CASP9: variants seen among roughly 807,000 people sequenced by gnomAD.
CASP9 encodes the protein caspase 9.
Under a neutral mutation model 43.5 loss-of-function variants are expected in CASP9, and 29 were observed. That is an observed-to-expected ratio of 0.67 (90% CI 0.50 to 0.91). The LOEUF (loss-of-function observed/expected upper bound fraction) is 0.91. Among genes scored for constraint, CASP9 ranks in the 40% least tolerant of loss-of-function variants. The pLI is 0.00. For synonymous variants in CASP9, 206 were observed against 211.9 expected (o/e 0.97, Z 0.24); for missense variants, 575 against 537.4 (o/e 1.07, Z -0.69).
Position 15,524,099 on chromosome 1 carries a change from C to T in CASP9, c.102G>A (p.Leu34=). ...TGTCCTCGATCATATGGGGCCTGAA[C>T]AGCTCGCGGCTCAGCAGGGCGTCCC... The part of the protein sequence containing the change: ...QLWDALLSRE[L]FRPHMIEDIQ... Residue 34 remains leucine, a synonymous_variant, in exon 1 of 9, where the codon CTG becomes CTA. Coordinates refer to ENST00000333868, the MANE Select transcript of CASP9 (RefSeq NM_001229.5). The T allele has an allele frequency of 1.9e-6, 3 of 1,540,210 alleles. No individual in the cohort carries two copies. The highest frequency in any genetic ancestry group is 1.7e-6 in the Non-Finnish European group (2 of 1,147,926).
intron 4 of CASP9, 91 bp from the exon 5 acceptor site, chr1:15,506,170 C>T: frequency 1.1e-6 from 1 of 870,356 alleles, no homozygotes; most frequent in South Asian, 1.4e-5. Context: ...CCAGCCTGGC[C>T]AGGCATGGTG....
At position 15,518,436 on chromosome 1, in the gene CASP9, T is replaced by C. The variant is rs369608854; in HGVS notation, c.133-41A>G. The C allele has an allele frequency of 1.3e-5, 21 of 1,579,910 alleles. No individual in the cohort carries two copies. In the African/African-American group the frequency reaches 1.9e-4, roughly 14 times the overall value. On this transcript the variant is annotated intron_variant, in intron 1 of 8. Coordinates refer to ENST00000333868, the MANE Select transcript of CASP9 (RefSeq NM_001229.5). Reference sequence around the variant, plus strand: ...GGCAGGATACTAATTATCCACGTACTTTTATATGGCTCTCACCTTGTCTCC... The same window carrying C: ...GGCAGGATACTAATTATCCACGTACCTTTATATGGCTCTCACCTTGTCTCC...
chr1:15,498,742 C>CTTTTTTTTTTTTTTTTTTT (rs1218849159), intron 6 of CASP9, among the ~76,000 whole-genome samples: 1 of 83,494 alleles, frequency 1.2e-5, no homozygotes, highest in African/African-American at 5.2e-5. Context: ...TGAAAGTGAT[C>CTTTTTTTTTTTTTTTTTTT]TTTTTTTTTT....
At chr1:15,516,527 G>C (rs1003446316) in intron 2 of CASP9, among the ~76,000 whole-genome samples, 1 of 151,646 alleles carries the variant, frequency 6.6e-6, no homozygotes, top group Non-Finnish European at 1.5e-5. Context: ...TTTTCTTAGA[G>C]ATAGGATCTC....
Position 15,505,034 on chromosome 1 carries a change from T to A in CASP9, c.721-276A>T, listed in dbSNP as rs193219674. On this transcript the variant is annotated intron_variant, in intron 5 of 8. Transcript: ENST00000333868. Reference sequence around the variant, plus strand: ...CTCTAGACCAGTGGTTCTCAAAGTTTGGCCCCTGCAGCAGCGGCATCAATA... The same window carrying A: ...CTCTAGACCAGTGGTTCTCAAAGTTAGGCCCCTGCAGCAGCGGCATCAATA... Among the ~76,000 whole-genome samples, 148 of 152,276 alleles carry A rather than the reference T, an allele frequency of 9.7e-4. 1 individual carries two copies. Among genetic ancestry groups the A allele is most frequent in the African/African-American group, 3.5e-3 (146 of 41,562 alleles).
Position 15,493,881 on chromosome 1 carries a change from G to A in CASP9, c.1158+11C>T. 6.3e-7 allele frequency: 1 copy of A among 1,580,140 alleles called. No individual in the cohort carries two copies. The highest frequency in any genetic ancestry group is 1.3e-5 in the African/African-American group (1 of 74,168). On this transcript the variant is annotated intron_variant, in intron 8 of 8. Coordinates refer to ENST00000333868, the MANE Select transcript of CASP9 (RefSeq NM_001229.5). ...CCTCCCCTCTCCTTTGCAGAGGAAG[G>A]CAGCACTCACCCTAAGCAGGAGGGA...
At chr1:15,523,149 C>T (rs4233536) in intron 1 of CASP9, among the ~76,000 whole-genome samples, 89,173 of 152,070 alleles carry the variant, frequency 0.59, 26,816 homozygotes, top group African/African-American at 0.7. Context: ...TGTTTGACTT[C>T]ATTATTCTCC....
rs116688903 is a variant in CASP9 at position 15,502,830 on chromosome 1, G to A, written c.868+1781C>T. Among the ~76,000 whole-genome samples, 901 of 152,324 alleles carry A rather than the reference G, an allele frequency of 5.9e-3. 1 individual carries two copies. The highest frequency in any genetic ancestry group is 9.0e-3 in the Non-Finnish European group (615 of 68,042). On this transcript the variant is annotated intron_variant, in intron 6 of 8. Transcript: ENST00000333868. ...TTGATTCATAGGAGAAAGAGGGACC[G>A]GAGGCTCCGAAGGAAGAGCATTGCT...
chr1:15,518,509 A>G, intron 1 of CASP9, 114 bp from the exon 2 acceptor site: 1 of 1,103,418 alleles, frequency 9.1e-7, no homozygotes, highest in Non-Finnish European at 1.3e-6. Flanking sequence ...CGTGGGCAGC[A>G]ATGGAGCTGC....
At chr1:15,501,404 T>G (rs1709323552) in intron 6 of CASP9, among the ~76,000 whole-genome samples, 1 of 151,748 alleles carries the variant, frequency 6.6e-6, no homozygotes, top group Non-Finnish European at 1.5e-5. Context: ...ATTATTATAT[T>G]TAAATTAATT....
intron 2 of CASP9, among the ~76,000 whole-genome samples, chr1:15,517,837 C>T (rs1242934634): frequency 1.3e-5 from 2 of 151,772 alleles, no homozygotes; most frequent in Non-Finnish European, 2.9e-5. Flanking sequence ...TGATCAAAAC[C>T]TGGGGCCTGC....
intron 6 of CASP9, 117 bp downstream of exon 6, chr1:15,504,494 C>T (rs1709443118): frequency 9.7e-7 from 1 of 1,031,192 alleles, no homozygotes; most frequent in Non-Finnish European, 1.4e-6. Context: ...ATGTGTGGTA[C>T]CCTCTGACTG....
At chr1:15,508,434 C>T (rs549881206) in intron 2 of CASP9, among the ~76,000 whole-genome samples, 9 of 151,868 alleles carry the variant, frequency 5.9e-5, no homozygotes, top group South Asian at 4.2e-4. Context: ...TTTTTTGAGA[C>T]GGAGTTTCAC....
upstream of CASP9, chr1:15,524,456 ACCGCGCCGCCCCAGAACACGCT>A: frequency 6.0e-6 from 5 of 831,576 alleles, no homozygotes; most frequent in Non-Finnish European, 5.8e-6. Flanking sequence ...GCCTCCCATC[ACCGCGCCGCCCCAGAACACGCT>A]CCGCGTCACC....
chr1:15,493,008 T>C lies in CASP9; in HGVS notation c.1186A>G (p.Ile396Val). 6.2e-7 allele frequency: 1 copy of C among 1,614,000 alleles called. No homozygotes were observed. The highest frequency in any genetic ancestry group is 8.5e-7 in the Non-Finnish European group (1 of 1,180,028). Residue 396 changes from isoleucine (I) to valine (V), a missense_variant, in exon 9 of 9, where the codon ATT becomes GTT. Coordinates refer to ENST00000333868, the MANE Select transcript of CASP9 (RefSeq NM_001229.5). The stretch of plus-strand genomic sequence containing the variant: ...AAGCAACCAGGCATCTGTTTATAAA[T>C]CCCTTTCACCGAAACAGCATTAGCG... Reference protein sequence around the residue: ...RVANAVSVKGIYKQMPGCFNF... With the variant: ...RVANAVSVKGVYKQMPGCFNF...
Position 15,504,636 on chromosome 1 carries a change from G to C in CASP9, c.843C>G (p.Leu281=), listed in dbSNP as rs2103345986. Residue 281 remains leucine (L), a synonymous_variant, in exon 6 of 9, where the codon CTC becomes CTG. Coordinates refer to ENST00000333868, the MANE Select transcript of CASP9 (RefSeq NM_001229.5). ...SCPSLGGKPK[L]FFIQACGGEQ... is the part of the protein sequence containing the mutation. ...CCCCACCACAGGCCTGGATGAAAAA[G>C]AGCTTGGGCTTCCCTCCCAGGCTGG... 1.9e-6 allele frequency: 3 copies of C among 1,613,956 alleles called. No individual in the cohort carries two copies. The highest frequency in any genetic ancestry group is 2.5e-6 in the Non-Finnish European group (3 of 1,179,934).
At chr1:15,502,129 C>T (rs1189220224) in intron 6 of CASP9, among the ~76,000 whole-genome samples, 2 of 151,378 alleles carry the variant, frequency 1.3e-5, no homozygotes, top group African/African-American at 2.4e-5. Flanking sequence ...AGGCTGGGGG[C>T]CTGGCTGCAG....
Position 15,523,085 on chromosome 1 carries a change from G to C in CASP9, c.132+984C>G, listed in dbSNP as rs142699524. Among the ~76,000 whole-genome samples, 38 of 152,370 alleles carry C rather than the reference G, an allele frequency of 2.5e-4. No individual in the cohort carries two copies. In the East Asian group the frequency reaches 7.1e-3, roughly 29 times the overall value. On this transcript the variant is annotated intron_variant, in intron 1 of 8. Coordinates refer to ENST00000333868, the MANE Select transcript of CASP9 (RefSeq NM_001229.5). ...ATCTCCTGCATCCTCACAGGCCTGT[G>C]ATGAGGGTCAAATGAGACAAAGATG...
At chr1:15,523,300 T>G (rs1452741469) in intron 1 of CASP9, among the ~76,000 whole-genome samples, 1 of 152,256 alleles carries the variant, frequency 6.6e-6, no homozygotes, top group Admixed American at 6.5e-5. Flanking sequence ...TTATTTCATT[T>G]AGTCCTTATG....
Sources: allele counts gnomAD v4.1 joint callset (sites outside exome capture counted in the v4.1 genomes callset), GRCh38; gene constraint gnomAD v4.1.1; transcripts MANE v1.5; gene names NCBI Gene and HGNC (gene_info 2026-07-23, HGNC 2026-07-21).